The following RUBCN variants were observed in gnomAD, a reference collection of about 807,000 sequenced individuals.
RUBCN encodes rubicon autophagy regulator.
Under a neutral mutation model 113.2 loss-of-function variants are expected in RUBCN, and 74 were observed. The ratio of observed to expected loss-of-function variants is 0.65; its 90% CI spans 0.54 to 0.79. RUBCN has a LOEUF of 0.79. Ranked by LOEUF, RUBCN falls within the 30% of genes least tolerant of loss-of-function variation. The pLI, the probability that RUBCN is intolerant of heterozygous loss-of-function variation, is 0.00. For synonymous variants in RUBCN, 480 were observed against 490.0 expected, an observed-to-expected ratio of 0.98 and a Z score of 0.27; for missense variants, 1,109 against 1,251.7, an observed-to-expected ratio of 0.89 and a Z score of 1.72.
At chr3:197,709,444 G>A (rs148624798) in intron 2 of RUBCN, among the ~76,000 whole-genome samples, 1 of 151,972 alleles carries the variant, frequency 6.6e-6, no homozygotes, top group Admixed American at 6.6e-5. Context: ...GCAATGGCGC[G>A]ATCTCGGCTC....
upstream of RUBCN, among the ~76,000 whole-genome samples, chr3:197,740,379 G>T (rs1728476621): frequency 6.6e-6 from 1 of 151,780 alleles, no homozygotes; most frequent in East Asian, 2.0e-4. Context: ...TGAGCCAGGA[G>T]AATCTCTTTA....
At chr3:197,749,479 G>A in exon 1 of RUBCN, 1 of 1,279,656 alleles carries the variant, frequency 7.8e-7, no homozygotes. Flanking sequence ...CAGGGAGGGG[G>A]GAGCTGGGAT....
At position 197,681,812 on chromosome 3, in the gene RUBCN, T is replaced by C. The variant is rs780970321; in HGVS notation, c.2191+23A>G. The C allele has an allele frequency of 2.2e-5, 36 of 1,608,674 alleles. No homozygotes were observed. Among genetic ancestry groups the C allele is most frequent in the Middle Eastern group, 3.3e-4 (2 of 6,056 alleles). ...GGGTACAGAGCCTCTGGAGGCAGCA[T>C]GGTGGGAAGGGAAGGCACTCACCAG... On this transcript the variant is annotated intron_variant, in intron 15 of 19. Transcript: ENST00000296343. This position sits in a 1 kb window ranked among gnomAD's most constrained non-coding sequence, Gnocchi z 5.5.
intron 9 of RUBCN, 101 bp downstream of exon 9, chr3:197,695,765 T>C: frequency 9.5e-7 from 1 of 1,051,338 alleles, no homozygotes; most frequent in Non-Finnish European, 1.5e-6. Context: ...TTATCTTTAC[T>C]GTAATCTATA....
intron 2 of RUBCN, among the ~76,000 whole-genome samples, chr3:197,707,154 A>T (rs1560443642): frequency 7.0e-6 from 1 of 142,770 alleles, no homozygotes. Flanking sequence ...CCACAGTGAA[A>T]CCCCGTCTCT....
chr3:197,713,716 A>G (rs1725202586), intron 2 of RUBCN, among the ~76,000 whole-genome samples: 1 of 151,980 alleles, frequency 6.6e-6, no homozygotes, highest in African/African-American at 2.4e-5. Context: ...ATGTGAGCAG[A>G]TGAAACTGCT....
At position 197,674,603 on chromosome 3, in the gene RUBCN, T is replaced by C. The variant is rs370558157; in HGVS notation, c.*415A>G. 7 of 463,912 alleles carry C rather than the reference T, an allele frequency of 1.5e-5. No individual in the cohort carries two copies. Among genetic ancestry groups the C allele is most frequent in the Non-Finnish European group, 3.0e-5 (7 of 230,288 alleles). 28.7% of individuals were successfully genotyped at this position (463,912 alleles called of 1,614,324 possible). On this transcript the variant is annotated 3_prime_UTR_variant, in exon 20 of 20. Transcript: ENST00000296343. ...CCCGTTTCAGCAGCAGGAGAGGTGGTTGAGAAAGGCCTGGCTCAGAAGCTC... is the reference window on the plus strand; with the variant it reads ...CCCGTTTCAGCAGCAGGAGAGGTGGCTGAGAAAGGCCTGGCTCAGAAGCTC...
At chr3:197,729,776 C>T (rs760030211) in intron 1 of RUBCN, among the ~76,000 whole-genome samples, 1 of 151,740 alleles carries the variant, frequency 6.6e-6, no homozygotes, top group Non-Finnish European at 1.5e-5. Context: ...CCAGGCTGGT[C>T]TTGAGCTCCT....
intron 7 of RUBCN, chr3:197,699,266 A>G (rs1278408656): frequency 6.2e-6 from 9 of 1,447,722 alleles, no homozygotes; most frequent in Non-Finnish European, 8.5e-6. Context: ...AGGAGAGTCC[A>G]GATAGAGCAA....
At chr3:197,684,768 A>G (rs995292699) in intron 11 of RUBCN, among the ~76,000 whole-genome samples, 11 of 151,934 alleles carry the variant, frequency 7.2e-5, no homozygotes, top group Admixed American at 5.2e-4. Context: ...ATATATAAAA[A>G]ACATTTAGTG....
In RUBCN at chr3:197,712,874, TC is replaced by T. The variant is rs1191756950; in HGVS notation, c.219+5102del. ...CAGATATTATCACTTTTTTTTTTTTTCTGAGATGGAGTTTCGCTCTTGTCAC... is the reference window on the plus strand; with the variant it reads ...CAGATATTATCACTTTTTTTTTTTTTTGAGATGGAGTTTCGCTCTTGTCAC... On this transcript the variant is annotated intron_variant, in intron 2 of 19. Coordinates refer to ENST00000296343, the MANE Select transcript of RUBCN (RefSeq NM_014687.4). 4.6e-5 allele frequency among the ~76,000 whole-genome samples: 7 copies of T among 152,242 alleles called. No homozygotes were observed. The East Asian group carries it at 1.2e-3, about 25-fold the overall frequency.
intron 2 of RUBCN, among the ~76,000 whole-genome samples, chr3:197,706,777 G>A (rs892197536): frequency 2.6e-5 from 4 of 152,116 alleles, no homozygotes; most frequent in African/African-American, 7.2e-5. Context: ...CTTAATACAC[G>A]ATCTAAAACC....
intron 1 of RUBCN, among the ~76,000 whole-genome samples, chr3:197,726,325 C>A (rs1036136118): frequency 3.3e-5 from 5 of 152,132 alleles, no homozygotes; most frequent in African/African-American, 1.2e-4. Flanking sequence ...CGGTTCACTG[C>A]AAGCTCTGCC....
Position 197,736,693 on chromosome 3 carries a change from C to A in RUBCN, c.27G>T (p.Glu9Asp). The change falls in exon 1 of 20, where the codon GAG becomes GAT. Residue 9 changes from glutamate (E) to aspartate (D), a missense_variant. Transcript: ENST00000296343. ...GCAGGCGCTCCTCGCCGCCTCCGAGCTCCATTCCCGCGCCCTCCGGCCGCA... is the reference window on the plus strand; with the variant it reads ...GCAGGCGCTCCTCGCCGCCTCCGAGATCCATTCCCGCGCCCTCCGGCCGCA... MRPEGAGM[E>D]LGGGEERLPE... 1 of 1,532,218 alleles carries A rather than the reference C, an allele frequency of 6.5e-7. No homozygotes were observed. Among genetic ancestry groups the A allele is most frequent in the Non-Finnish European group, 8.7e-7 (1 of 1,145,992 alleles). The allele number at this position is 1,532,218 out of a possible 1,614,324, so 94.9% of individuals were successfully genotyped here.
At chr3:197,724,441 A>G (rs1387622361) in intron 1 of RUBCN, among the ~76,000 whole-genome samples, 1 of 152,236 alleles carries the variant, frequency 6.6e-6, no homozygotes, top group East Asian at 1.9e-4. Flanking sequence ...AGTACTATGC[A>G]ATTGCAAAGT....
intron 2 of RUBCN, among the ~76,000 whole-genome samples, chr3:197,705,975 G>A (rs138719251): frequency 2.0e-5 from 3 of 152,230 alleles, no homozygotes; most frequent in East Asian, 1.9e-4. Flanking sequence ...TGATCTGCCC[G>A]CCTTGGGTCA....
Position 197,681,451 on chromosome 3 carries a change from G to C in RUBCN, c.2192-84C>G, listed in dbSNP as rs1721232720. 7 of 1,051,492 alleles carry C rather than the reference G, an allele frequency of 6.7e-6. No homozygotes were observed. The highest frequency in any genetic ancestry group is 2.3e-4 in the Middle Eastern group (1 of 4,304). The allele number at this position is 1,051,492 out of a possible 1,614,324, so 65.1% of individuals were successfully genotyped here. Reference sequence around the variant, plus strand: ...GGCAGCTCTGCTTTTCCCTTGAAAGGGCAGAGAGGGACAGCCAATGGCCTC... The same window carrying C: ...GGCAGCTCTGCTTTTCCCTTGAAAGCGCAGAGAGGGACAGCCAATGGCCTC... On this transcript the variant is annotated intron_variant, in intron 15 of 19. Coordinates refer to ENST00000296343, the MANE Select transcript of RUBCN (RefSeq NM_014687.4). This position sits in a 1 kb window ranked among gnomAD's most constrained non-coding sequence, Gnocchi z 5.5.
intron 16 of RUBCN, among the ~76,000 whole-genome samples, chr3:197,678,278 A>G (rs552172677): frequency 6.7e-6 from 1 of 149,006 alleles, no homozygotes; most frequent in East Asian, 2.0e-4. Context: ...CTGGCTCCAG[A>G]CTGTCCTATG....
intron 1 of RUBCN, among the ~76,000 whole-genome samples, chr3:197,734,577 T>C (rs934507900): frequency 9.2e-5 from 14 of 152,170 alleles, no homozygotes; most frequent in East Asian, 5.8e-4. Context: ...ACAATAGTTA[T>C]AGGGATTAAA....
Sources: gnomAD v4.1 joint callset for allele counts (sites outside exome capture counted in the v4.1 genomes callset) on GRCh38, gnomAD v4.1.1 for gene constraint, Gnocchi (gnomAD v3.1) non-coding constraint, MANE v1.5 for transcripts, NCBI Gene and HGNC (gene_info 2026-07-23, HGNC 2026-07-21) for gene names.